ARIH2: variants seen among roughly 807,000 people sequenced by gnomAD.
ARIH2 encodes ariadne RBR E3 ubiquitin protein ligase 2.
In ARIH2, 12 loss-of-function variants were observed where a neutral mutation model predicts 79.8. The observed-to-expected ratio is 0.15, with a 90% CI of 0.10 to 0.24. The LOEUF (loss-of-function observed/expected upper bound fraction) is 0.24. Among genes scored for constraint, ARIH2 ranks in the 10% least tolerant of loss-of-function variants. The pLI is 1.00. For missense variants in ARIH2, 301 were observed against 618.3 expected, an observed-to-expected ratio of 0.49 and a Z score of 5.44; for synonymous variants, 224 against 213.9, an observed-to-expected ratio of 1.05 and a Z score of -0.41.
At chr3:48,924,625 C>T (rs2106858408) in intron 2 of ARIH2, 1 of 152,246 alleles carries the variant, frequency 6.6e-6, no homozygotes, top group Non-Finnish European at 1.5e-5. Context: ...AAGTGATTCT[C>T]CTGCCTCAGC....
intron 11 of ARIH2, among the ~76,000 whole-genome samples, chr3:48,978,465 G>GTGTGTGTGTA (rs1251443781): frequency 6.6e-5 from 5 of 75,486 alleles, no homozygotes; most frequent in Non-Finnish European, 8.9e-5. Flanking sequence ...GTGTGTGTGT[G>GTGTGTGTGTA]TATATATATA....
intron 3 of ARIH2, among the ~76,000 whole-genome samples, chr3:48,944,825 G>C (rs1401499576): frequency 5.9e-5 from 9 of 151,978 alleles, no homozygotes; most frequent in Non-Finnish European, 1.5e-5. Context: ...GTACTTTCTT[G>C]CCTCCCTCCA....
At chr3:48,977,963 G>GA (rs1292925586) in intron 11 of ARIH2, among the ~76,000 whole-genome samples, 2 of 152,126 alleles carry the variant, frequency 1.3e-5, no homozygotes, top group African/African-American at 4.8e-5. Context: ...TGAATCCTGG[G>GA]AAACAGGATT....
chr3:48,961,870 C>G (rs898086957), intron 4 of ARIH2, among the ~76,000 whole-genome samples, 191 bp downstream of exon 4: 1 of 152,160 alleles, frequency 6.6e-6, no homozygotes, highest in African/African-American at 2.4e-5. Context: ...GTATATTCTT[C>G]TACCCCAGTT....
Position 48,970,553 on chromosome 3 carries a change from A to G in ARIH2, c.661-42A>G. The G allele has an allele frequency of 3.7e-6, 5 of 1,368,120 alleles. No homozygotes were observed. The South Asian group carries it at 4.7e-5, about 13-fold the overall frequency. 84.7% of individuals were successfully genotyped at this position (1,368,120 alleles called of 1,614,324 possible). A position where few individuals can be genotyped will look rare whatever the true frequency, so the allele number is the denominator to read the frequency against. ...AGGGGGTTCTGATTTTTAGACAGCA[A>G]CTAAGAGATGTCCTCATTGTTTCCT... On this transcript the variant is annotated intron_variant, in intron 7 of 15. Coordinates refer to ENST00000356401, the MANE Select transcript of ARIH2 (RefSeq NM_006321.4).
chr3:48,964,641 C>T (rs1317002754), intron 4 of ARIH2, among the ~76,000 whole-genome samples: 8 of 152,112 alleles, frequency 5.3e-5, no homozygotes, highest in Non-Finnish European at 1.0e-4. Flanking sequence ...GAATTATCTT[C>T]CAGCTTATGG....
chr3:48,973,840 A>C (rs1295741430), intron 9 of ARIH2, 24 bp downstream of exon 9: 1,146 of 1,549,654 alleles, frequency 7.4e-4, no homozygotes, highest in Non-Finnish European at 9.4e-4. Flanking sequence ...TTTACCTCTC[A>C]TGGATTTGCC....
intron 3 of ARIH2, among the ~76,000 whole-genome samples, chr3:48,940,806 A>ATATAT (rs1462537614): frequency 4.5e-4 from 39 of 87,204 alleles, no homozygotes; most frequent in Non-Finnish European, 7.3e-4. Flanking sequence ...AAAAAAAAAA[A>ATATAT]AAATATATAT....
At chr3:48,953,680 G>T (rs1369673464) in intron 3 of ARIH2, among the ~76,000 whole-genome samples, 1 of 151,490 alleles carries the variant, frequency 6.6e-6, no homozygotes, top group Non-Finnish European at 1.5e-5. Context: ...GATTACAGGT[G>T]TGAGCCACCA....
intron 2 of ARIH2, among the ~76,000 whole-genome samples, chr3:48,923,014 C>T (rs988870093): frequency 4.0e-5 from 6 of 151,848 alleles, no homozygotes; most frequent in South Asian, 4.2e-4. Context: ...GAGACCATCC[C>T]GGCTAAAACG....
chr3:48,933,742 G>A (rs1260189045), intron 3 of ARIH2, among the ~76,000 whole-genome samples: 2 of 150,966 alleles, frequency 1.3e-5, no homozygotes, highest in East Asian at 2.0e-4. Flanking sequence ...TAGTAGAGAC[G>A]GGCTTTCACC....
chr3:48,961,181 A>AT (rs1440137835), intron 3 of ARIH2, among the ~76,000 whole-genome samples: 1 of 152,180 alleles, frequency 6.6e-6, no homozygotes, highest in Non-Finnish European at 1.5e-5. Flanking sequence ...TGTAGGGTTT[A>AT]TGCAAACCCA....
At chr3:48,954,219 G>A (rs2090327930) in intron 3 of ARIH2, among the ~76,000 whole-genome samples, 1 of 152,042 alleles carries the variant, frequency 6.6e-6, no homozygotes, top group Non-Finnish European at 1.5e-5. Context: ...ACTTTGGGAG[G>A]CCGAGGCAGG....
chr3:48,941,329 T>C (rs990143745), intron 3 of ARIH2, among the ~76,000 whole-genome samples: 1 of 152,110 alleles, frequency 6.6e-6, no homozygotes, highest in Non-Finnish European at 1.5e-5. Flanking sequence ...GAACTAAAAA[T>C]AGTGCTTTAT....
chr3:48,964,991 C>G lies in ARIH2; in HGVS notation c.387+9C>G, dbSNP rs2091630218. 2.5e-6 allele frequency: 4 copies of G among 1,611,590 alleles called. No individual in the cohort carries two copies. Among genetic ancestry groups the G allele is most frequent in the Non-Finnish European group, 3.4e-6 (4 of 1,178,156 alleles). On this transcript the variant is annotated intron_variant, in intron 5 of 15. Transcript: ENST00000356401. ...CTAATCCATCAAAACATGTGAGTGT[C>G]TATTACTTGAATGAGGCTTCTCCTA...
chr3:48,919,666 T>C (rs138410831), intron 1 of ARIH2, among the ~76,000 whole-genome samples: 57 of 152,364 alleles, frequency 3.7e-4, no homozygotes, highest in African/African-American at 1.4e-3. Flanking sequence ...AGAAACTAAA[T>C]TTTAAATTTT....
chr3:48,979,460 A>G (rs1329364947), intron 11 of ARIH2, 22 bp from the exon 12 acceptor site: 2 of 1,607,918 alleles, frequency 1.2e-6, no homozygotes. Context: ...GATGTAAATG[A>G]CTCTTCCTCT....
At chr3:48,950,948 CTTCTTTTTTTTT>C (rs2089871717) in intron 3 of ARIH2, among the ~76,000 whole-genome samples, 1 of 143,644 alleles carries the variant, frequency 7.0e-6, no homozygotes, top group African/African-American at 2.6e-5. Flanking sequence ...TTTCTTTCTT[CTTCTTTTTTTTT>C]TTTTTTTTAA....
At chr3:48,973,463 A>G (rs1324109542) in intron 8 of ARIH2, among the ~76,000 whole-genome samples, 2 of 151,806 alleles carry the variant, frequency 1.3e-5, no homozygotes, top group East Asian at 1.9e-4. Context: ...TGTAGTCCCA[A>G]CTACTCGGGA....
Sources: allele counts gnomAD v4.1 joint callset (sites outside exome capture counted in the v4.1 genomes callset), GRCh38; gene constraint gnomAD v4.1.1; transcripts MANE v1.5; gene names NCBI Gene and HGNC (gene_info 2026-07-23, HGNC 2026-07-21).